Variants in PCDH11X observed in about 807,000 individuals in gnomAD.
The protein encoded by PCDH11X is protocadherin 11 X-linked.
A neutral mutation model predicts 53.3 loss-of-function variants in PCDH11X; 18 were observed. That is an observed-to-expected ratio of 0.34 (90% CI 0.23 to 0.50). The LOEUF is 0.50. PCDH11X is among the 20% of genes least tolerant of loss of function. PCDH11X has a pLI of 0.98. For missense variants in PCDH11X, 570 were observed against 1,032.4 expected (o/e 0.55, Z 6.14); for synonymous variants, 279 against 393.3 (o/e 0.71, Z 3.44).
intron 6 of PCDH11X, among the ~76,000 whole-genome samples, chrX:91,884,697 T>C (rs867755865): frequency 2.1e-5 from 2 of 93,195 alleles, no homozygotes; most frequent in South Asian, 7.4e-4. Flanking sequence ...TCTTAAACTA[T>C]TTATGACTTA....
At chrX:92,084,968 CTAT>C (rs1276434851) in intron 6 of PCDH11X, among the ~76,000 whole-genome samples, 30 of 84,835 alleles carry the variant, frequency 3.5e-4, no homozygotes, top group African/African-American at 1.7e-3. Context: ...AGACTTAAAA[CTAT>C]TGGAAAAAAA....
intron 7 of PCDH11X, among the ~76,000 whole-genome samples, chrX:92,240,277 A>G (rs930175091): frequency 9.0e-6 from 1 of 111,729 alleles, no homozygotes. Flanking sequence ...CTCTGTGTCT[A>G]GAAGCCACCT....
At chrX:92,212,540 G>A (rs760817155) in intron 7 of PCDH11X, among the ~76,000 whole-genome samples, 18 of 110,486 alleles carry the variant, frequency 1.6e-4, no homozygotes, top group Non-Finnish European at 3.0e-4. Context: ...AGTAGAGACC[G>A]GGTTTCTCCA....
At chrX:92,411,367 ATC>A (rs2071641665) in intron 9 of PCDH11X, among the ~76,000 whole-genome samples, 1 of 110,957 alleles carries the variant, frequency 9.0e-6, no homozygotes. Context: ...CTATCCATCC[ATC>A]ATCTAGGATT....
chrX:92,180,452 C>T (rs2065976974), intron 6 of PCDH11X, among the ~76,000 whole-genome samples: 1 of 111,294 alleles, frequency 9.0e-6, no homozygotes, highest in Non-Finnish European at 1.9e-5. Context: ...CATTCTAGTG[C>T]CCCAGGATGC....
chrX:91,875,126 T>C (rs1939524887), intron 5 of PCDH11X, among the ~76,000 whole-genome samples: 1 of 110,476 alleles, frequency 9.1e-6, no homozygotes, highest in African/African-American at 3.3e-5. Context: ...CTTTTCTTCA[T>C]ACCCTCCAGT....
At chrX:92,147,567 G>C (rs1230347756) in intron 6 of PCDH11X, among the ~76,000 whole-genome samples, 1 of 110,481 alleles carries the variant, frequency 9.1e-6, no homozygotes, top group African/African-American at 3.3e-5. Context: ...ATGTTCTCAG[G>C]TCTTTCTAAT....
intron 7 of PCDH11X, among the ~76,000 whole-genome samples, chrX:92,243,081 G>T (rs1228531840): frequency 9.0e-6 from 1 of 110,837 alleles, no homozygotes; most frequent in Non-Finnish European, 1.9e-5. Context: ...TAAATCATAA[G>T]ATTTCATTTC....
At chrX:91,812,810 C>T (rs1936333548) in intron 4 of PCDH11X, among the ~76,000 whole-genome samples, 1 of 111,171 alleles carries the variant, frequency 9.0e-6, no homozygotes, top group Non-Finnish European at 1.9e-5. Flanking sequence ...CCTTGTGCCT[C>T]GCAGTTCTTC....
intron 8 of PCDH11X, among the ~76,000 whole-genome samples, chrX:92,322,021 G>T (rs1330646550): frequency 9.3e-6 from 1 of 107,736 alleles, no homozygotes; most frequent in Non-Finnish European, 1.9e-5. Context: ...TATATACTTT[G>T]CTGGTATACA....
intron 6 of PCDH11X, among the ~76,000 whole-genome samples, chrX:92,072,244 G>A (rs369505020): frequency 1.5e-4 from 17 of 110,756 alleles, no homozygotes; most frequent in African/African-American, 4.3e-4. Context: ...GAGCCTAGGC[G>A]TGAACTCAGG....
At chrX:92,412,580 A>G (rs1293721316) in intron 9 of PCDH11X, among the ~76,000 whole-genome samples, 1 of 98,320 alleles carries the variant, frequency 1.0e-5, no homozygotes, top group Non-Finnish European at 2.1e-5. Context: ...TAAATATGGT[A>G]TAATTTATCT....
intron 6 of PCDH11X, among the ~76,000 whole-genome samples, chrX:91,945,979 C>T (rs1310437269): frequency 1.8e-5 from 2 of 108,989 alleles, no homozygotes; most frequent in African/African-American, 6.6e-5. Flanking sequence ...GGTGCTATAA[C>T]TACATTATAC....
At chrX:92,369,304 T>A (rs1186993754) in intron 8 of PCDH11X, among the ~76,000 whole-genome samples, 3 of 110,094 alleles carry the variant, frequency 2.7e-5, no homozygotes, top group Admixed American at 1.9e-4. Flanking sequence ...CCAGCCTCCT[T>A]AGCACTGTCA....
intron 9 of PCDH11X, among the ~76,000 whole-genome samples, chrX:92,392,127 T>C (rs1316745759): frequency 1.8e-5 from 2 of 111,082 alleles, no homozygotes; most frequent in Non-Finnish European, 3.8e-5. Flanking sequence ...GCATTGAATC[T>C]TAAAGTAACA....
chrX:91,980,641 G>A (rs1254395354), intron 6 of PCDH11X, among the ~76,000 whole-genome samples: 2 of 105,764 alleles, frequency 1.9e-5, no homozygotes, highest in Non-Finnish European at 3.9e-5. Flanking sequence ...CACTACATTG[G>A]CCTTGCTGGT....
intron 10 of PCDH11X, among the ~76,000 whole-genome samples, chrX:92,487,048 CTTTTT>C (rs758641899): frequency 5.9e-5 from 4 of 67,819 alleles, no homozygotes; most frequent in South Asian, 9.4e-4. Flanking sequence ...AATATGCTTC[CTTTTT>C]TTTTTTTTTT....
intron 9 of PCDH11X, among the ~76,000 whole-genome samples, chrX:92,397,126 T>C (rs2071266056): frequency 3.6e-5 from 2 of 56,257 alleles, no homozygotes; most frequent in Non-Finnish European, 6.3e-5. Context: ...CTTGATCATC[T>C]TGAAAATAGC....
intron 1 of PCDH11X, among the ~76,000 whole-genome samples, chrX:91,792,006 C>T (rs1323002757): frequency 5.5e-5 from 6 of 109,217 alleles, no homozygotes; most frequent in South Asian, 8.0e-4. Flanking sequence ...GGACTACAGG[C>T]GCCCGCCACC....
Sources: allele counts gnomAD v4.1 joint callset (sites outside exome capture counted in the v4.1 genomes callset), GRCh38; gene constraint gnomAD v4.1.1; transcripts MANE v1.5; gene names NCBI Gene and HGNC (gene_info 2026-07-23, HGNC 2026-07-21).